HIVEP1: variants seen among roughly 807,000 people sequenced by gnomAD.
The protein encoded by HIVEP1 is zinc finger protein 40.
HIVEP1 carries 36 observed loss-of-function variants against 180.0 expected under a neutral mutation model. The observed-to-expected ratio is 0.20, with a 90% CI of 0.15 to 0.26. The LOEUF (loss-of-function observed/expected upper bound fraction) is 0.26. Ranked by LOEUF, HIVEP1 falls within the 10% of genes least tolerant of loss-of-function variation. The probability of loss-of-function intolerance (pLI) is 1.00; values close to 1 mark genes in which losing one functional copy is unlikely to be tolerated. For synonymous variants in HIVEP1, 1,239 were observed against 1,239.0 expected, an observed-to-expected ratio of 1.00 and a Z score of 0.00; for missense variants, 3,143 against 3,268.7, an observed-to-expected ratio of 0.96 and a Z score of 0.94.
In HIVEP1 at chr6:12,030,591, C is replaced by G. The variant is rs527724198; in HGVS notation, c.40+14923C>G. Among the ~76,000 whole-genome samples, 3 of 152,254 alleles carry G rather than the reference C, an allele frequency of 2.0e-5. No individual in the cohort carries two copies. In the South Asian group the frequency reaches 6.2e-4, roughly 32 times the overall value. On this transcript the variant is annotated intron_variant, in intron 2 of 8. Transcript: ENST00000379388. ...TAAATTTTTCATTTCACTTACTTTA[C>G]TTTTCAACTCTAGAATTTCTATTTG...
In HIVEP1 at chr6:12,123,648, C is replaced by G; in HGVS notation, c.3853C>G (p.Arg1285Gly). Residue 1285 changes from arginine (R) to glycine (G), a missense_variant, in exon 4 of 9, where the codon CGT becomes GGT. Transcript: ENST00000379388. The stretch of plus-strand genomic sequence containing the variant: ...ACTGCCACCCAAAAAGAAAAGGCTC[C>G]GTCTGGCTGAGATAGAACATTCCTC... ...EKLPPKKKRL[R>G]LAEIEHSSTE... is the part of the protein sequence containing the mutation. The G allele has an allele frequency of 6.2e-7, 1 of 1,614,088 alleles. No homozygotes were observed. The highest frequency in any genetic ancestry group is 1.6e-4 in the Middle Eastern group (1 of 6,062).
rs757353930 is a variant in HIVEP1 at position 12,122,448 on chromosome 6, G to T, written c.2653G>T (p.Ala885Ser). Residue 885 changes from alanine (A) to serine (S), a missense_variant, in exon 4 of 9, where the codon GCT (alanine) becomes TCT (serine). Around this residue, in one of 12 missense-constraint regions of HIVEP1, gnomAD observed 204 missense variants for 243.7 expected, o/e 0.84. Coordinates refer to ENST00000379388, the MANE Select transcript of HIVEP1 (RefSeq NM_002114.4). ...YDDVFVSGPN[A>S]PVPQSGHPRT... is the part of the protein sequence containing the mutation. ...TGATGTCTTTGTATCGGGACCTAAC[G>T]CTCCTGTGCCCCAGAGTGGGCATCC... 2.4e-5 allele frequency: 39 copies of T among 1,614,060 alleles called. 1 individual carries two copies. The highest frequency in any genetic ancestry group is 2.2e-4 in the South Asian group (20 of 91,092).
At chr6:12,173,113 C>T in the HIVEP1 span, among the ~76,000 whole-genome samples, 3 of 152,028 alleles carry the variant, frequency 2.0e-5, no homozygotes, top group African/African-American at 7.2e-5. Context: ...ATGTAAACTT[C>T]CAAGTATATT....
chr6:12,072,085 C>CTT (rs71830598), intron 2 of HIVEP1, among the ~76,000 whole-genome samples: 31 of 146,738 alleles, frequency 2.1e-4, no homozygotes, highest in Middle Eastern at 3.5e-3. Context: ...TATTCTTCTT[C>CTT]TTTTTTTTTT....
At chr6:12,013,557 A>C (rs1275189335) in intron 1 of HIVEP1, among the ~76,000 whole-genome samples, 1 of 152,180 alleles carries the variant, frequency 6.6e-6, no homozygotes, top group East Asian at 1.9e-4. Flanking sequence ...TATGCTCCGG[A>C]TCCCATGGGA....
At chr6:12,131,059 A>G (rs1009404718) in intron 6 of HIVEP1, 117 bp downstream of exon 6, 8 of 610,920 alleles carry the variant, frequency 1.3e-5, no homozygotes, top group South Asian at 3.6e-5. Context: ...ACTAATGTCA[A>G]TTACATCTTG....
intron 2 of HIVEP1, among the ~76,000 whole-genome samples, chr6:12,025,436 T>C (rs1393255860): frequency 6.6e-6 from 1 of 152,144 alleles, no homozygotes; most frequent in African/African-American, 2.4e-5. Context: ...AGGGAAAGAA[T>C]AGTTGTCTCA....
intron 2 of HIVEP1, among the ~76,000 whole-genome samples, chr6:12,025,634 G>A (rs1581519650): frequency 6.6e-6 from 1 of 152,202 alleles, no homozygotes; most frequent in African/African-American, 2.4e-5. Context: ...GCAAAATAAA[G>A]TAGATAACAT....
At chr6:12,149,621 C>T (rs1759579696) in intron 7 of HIVEP1, among the ~76,000 whole-genome samples, 1 of 152,206 alleles carries the variant, frequency 6.6e-6, no homozygotes, top group African/African-American at 2.4e-5. Flanking sequence ...TGTGTTTGTG[C>T]TGAGTTGCTC....
chr6:12,141,451 A>C (rs1479968969), intron 7 of HIVEP1, among the ~76,000 whole-genome samples: 6 of 152,088 alleles, frequency 3.9e-5, no homozygotes, highest in Admixed American at 2.6e-4. Flanking sequence ...TGCTTGGAAG[A>C]AACTGCATCA....
At chr6:12,151,617 T>C (rs1337395540) in intron 7 of HIVEP1, among the ~76,000 whole-genome samples, 2 of 152,180 alleles carry the variant, frequency 1.3e-5, no homozygotes, top group Admixed American at 6.5e-5. Context: ...AACTCTGTCA[T>C]GGGTGGTAAT....
In HIVEP1 at chr6:12,119,979, A is replaced by G. The variant is rs1775463857; in HGVS notation, c.184A>G (p.Ile62Val). The change falls in exon 4 of 9, where the codon ATA becomes GTA. Residue 62 changes from isoleucine (I) to valine (V), a missense_variant. Ile to Val is a conservative substitution (Grantham distance 29, BLOSUM62 3). Coordinates refer to ENST00000379388, the MANE Select transcript of HIVEP1 (RefSeq NM_002114.4). ...KIVAENHLKK[I>V]PKSPLRNPLQ... ...CGTAGCTGAGAATCACCTGAAAAAA[A>G]TACCAAAATCCCCACTGAGAAATCC... 3.1e-6 allele frequency: 5 copies of G among 1,611,640 alleles called. No homozygotes were observed. Among genetic ancestry groups the G allele is most frequent in the African/African-American group, 1.3e-5 (1 of 74,686 alleles).
intron 3 of HIVEP1, among the ~76,000 whole-genome samples, chr6:12,093,260 C>T (rs1581667608): frequency 6.6e-6 from 1 of 151,834 alleles, no homozygotes; most frequent in Admixed American, 6.6e-5. Flanking sequence ...TTATCTTTTT[C>T]TTAATATATT....
the HIVEP1 span, among the ~76,000 whole-genome samples, chr6:12,192,727 C>T: frequency 6.4e-4 from 98 of 152,246 alleles, 1 homozygote; most frequent in African/African-American, 1.9e-3. Context: ...CAGTACAATC[C>T]GTGGAACCAT....
intron 3 of HIVEP1, among the ~76,000 whole-genome samples, chr6:12,109,988 C>A (rs1561948941): frequency 6.6e-6 from 1 of 152,214 alleles, no homozygotes; most frequent in South Asian, 2.1e-4. Flanking sequence ...AAACAACATT[C>A]ATCTTCTTAT....
Position 12,124,539 on chromosome 6 carries a change from C to G in HIVEP1, c.4744C>G (p.Pro1582Ala), listed in dbSNP as rs777312329. The change falls in exon 4 of 9, where the codon CCA becomes GCA. Residue 1582 changes from proline to alanine, a missense_variant. Transcript: ENST00000379388. Reference protein sequence around the residue: ...SCSSNPVHSLPNQVISDPVGT... With the variant: ...SCSSNPVHSLANQVISDPVGT... ...CTCTTCTAATCCTGTGCATTCTTTG[C>G]CAAATCAAGTTATTTCAGATCCAGT... is the stretch of plus-strand genomic sequence containing the variant. 1 of 1,614,048 alleles carries G rather than the reference C, an allele frequency of 6.2e-7. No individual in the cohort carries two copies. Among genetic ancestry groups the G allele is most frequent in the South Asian group, 1.1e-5 (1 of 91,074 alleles).
At chr6:12,061,869 G>C (rs557301583) in intron 2 of HIVEP1, among the ~76,000 whole-genome samples, 2 of 152,144 alleles carry the variant, frequency 1.3e-5, no homozygotes, top group East Asian at 3.9e-4. Context: ...TCTATTTCTC[G>C]TGAGGAAATC....
downstream of HIVEP1, among the ~76,000 whole-genome samples, chr6:12,169,731 A>G (rs1016704063): frequency 1.3e-5 from 2 of 152,230 alleles, no homozygotes; most frequent in African/African-American, 4.8e-5. Flanking sequence ...GCTAAGGAGT[A>G]GAACAAAAAT....
intron 2 of HIVEP1, among the ~76,000 whole-genome samples, chr6:12,070,026 A>G (rs114959841): frequency 6.6e-6 from 1 of 152,234 alleles, no homozygotes; most frequent in Admixed American, 6.5e-5. Context: ...ATTGTCTTCC[A>G]TCTCTACATC....
Sources: allele counts gnomAD v4.1 joint callset (sites outside exome capture counted in the v4.1 genomes callset), GRCh38; gene constraint gnomAD v4.1.1; regional missense constraint gnomAD v4.1.1; transcripts MANE v1.5; gene names NCBI Gene and HGNC (gene_info 2026-07-23, HGNC 2026-07-21).